The following TAFA1 variants were observed in gnomAD, a reference collection of about 807,000 sequenced individuals.
TAFA1 encodes chemokine-like protein TAFA-1.
In TAFA1, 4 loss-of-function variants were observed where a neutral mutation model predicts 18.5. The observed-to-expected ratio is 0.22, with a 90% CI of 0.11 to 0.49. The LOEUF (loss-of-function observed/expected upper bound fraction) is 0.49. TAFA1 is among the 20% of genes least tolerant of loss of function. The pLI is 0.98. For missense variants in TAFA1, 147 were observed against 169.0 expected (o/e 0.87, Z 0.72); for synonymous variants, 56 against 55.2 (o/e 1.01, Z -0.06).
intron 2 of TAFA1, among the ~76,000 whole-genome samples, chr3:68,250,395 C>A (rs1471822740): frequency 6.6e-6 from 1 of 152,134 alleles, no homozygotes; most frequent in Non-Finnish European, 1.5e-5. Context: ...CAAGAAAGTG[C>A]AACACACCAA....
chr3:68,282,535 C>T (rs932646823), intron 2 of TAFA1, among the ~76,000 whole-genome samples: 2 of 152,148 alleles, frequency 1.3e-5, no homozygotes, highest in African/African-American at 4.8e-5. Context: ...AACTACCTTG[C>T]ATTCTGATGC....
intron 2 of TAFA1, among the ~76,000 whole-genome samples, chr3:68,218,945 T>C (rs967670366): frequency 1.2e-4 from 19 of 152,272 alleles, no homozygotes; most frequent in Middle Eastern, 3.4e-3. Context: ...TGAAATCCTT[T>C]TGAGTGTCCT....
intron 3 of TAFA1, among the ~76,000 whole-genome samples, chr3:68,440,988 G>A (rs992890324): frequency 3.3e-5 from 5 of 152,086 alleles, no homozygotes; most frequent in Non-Finnish European, 7.4e-5. Context: ...CTAAAATTAA[G>A]GGATCTTCTA....
At chr3:68,359,201 G>A (rs780402542) in intron 2 of TAFA1, among the ~76,000 whole-genome samples, 21 of 151,890 alleles carry the variant, frequency 1.4e-4, no homozygotes, top group Non-Finnish European at 2.5e-4. Flanking sequence ...ATGCCCTATG[G>A]CAAAAGGTCA....
chr3:68,157,297 A>T (rs186955049), intron 2 of TAFA1, among the ~76,000 whole-genome samples: 5 of 152,226 alleles, frequency 3.3e-5, no homozygotes, highest in African/African-American at 1.2e-4. Context: ...TTATAGGTTC[A>T]TGATCTTAAA....
intron 2 of TAFA1, among the ~76,000 whole-genome samples, chr3:68,057,602 C>T (rs2064551912): frequency 6.6e-6 from 1 of 152,168 alleles, no homozygotes; most frequent in South Asian, 2.1e-4. Context: ...GTGCGTATCC[C>T]AATCCACAGA....
At chr3:68,255,027 T>C (rs1029276136) in intron 2 of TAFA1, among the ~76,000 whole-genome samples, 1 of 152,122 alleles carries the variant, frequency 6.6e-6, no homozygotes, top group Non-Finnish European at 1.5e-5. Context: ...TCAAAAGATA[T>C]TTGGTTTACA....
At chr3:68,278,416 A>G (rs1575740972) in intron 2 of TAFA1, among the ~76,000 whole-genome samples, 1 of 152,124 alleles carries the variant, frequency 6.6e-6, no homozygotes, top group East Asian at 1.9e-4. Context: ...GCTGCACAGA[A>G]TTTAATCATT....
chr3:68,025,367 G>A (rs559937612), intron 2 of TAFA1, among the ~76,000 whole-genome samples: 172 of 152,246 alleles, frequency 1.1e-3, no homozygotes, highest in Middle Eastern at 3.4e-3. Context: ...GTGGATTATA[G>A]GGGAAGCCTA....
chr3:68,248,669 G>A (rs1182349958), intron 2 of TAFA1, among the ~76,000 whole-genome samples: 1 of 143,428 alleles, frequency 7.0e-6, no homozygotes, highest in African/African-American at 2.6e-5. Context: ...CAAACCTGGA[G>A]ATGGGCTCCT....
chr3:68,316,299 G>T (rs529368213), intron 2 of TAFA1, among the ~76,000 whole-genome samples: 4 of 152,300 alleles, frequency 2.6e-5, no homozygotes, highest in African/African-American at 7.2e-5. Context: ...CCCTCCCTTA[G>T]AAATGAACTG....
chr3:68,287,657 C>T (rs190838858), intron 2 of TAFA1, among the ~76,000 whole-genome samples: 1 of 152,160 alleles, frequency 6.6e-6, no homozygotes, highest in East Asian at 1.9e-4. Flanking sequence ...CTGTTGCTTC[C>T]GTATGCATTT....
intron 3 of TAFA1, among the ~76,000 whole-genome samples, chr3:68,458,441 C>T (rs1381750162): frequency 1.3e-5 from 2 of 152,144 alleles, no homozygotes; most frequent in Non-Finnish European, 2.9e-5. Context: ...AGTACATGGA[C>T]ATTTGATAAG....
chr3:68,246,327 A>G (rs897620886), intron 2 of TAFA1, among the ~76,000 whole-genome samples: 1 of 151,984 alleles, frequency 6.6e-6, no homozygotes, highest in African/African-American at 2.4e-5. Flanking sequence ...GCGGTGGTTC[A>G]CGCCTGTATT....
chr3:68,397,714 T>C (rs1575833162), intron 2 of TAFA1, among the ~76,000 whole-genome samples: 1 of 152,220 alleles, frequency 6.6e-6, no homozygotes, highest in East Asian at 1.9e-4. Context: ...GTATTTCTTG[T>C]TCTAGATCCT....
chr3:68,329,216 CTTTTT>C (rs10681423), intron 2 of TAFA1, among the ~76,000 whole-genome samples: 2 of 88,988 alleles, frequency 2.2e-5, no homozygotes, highest in Non-Finnish European at 4.0e-5. Context: ...GCCTGGCTGC[CTTTTT>C]TTTTTTTTTT....
At chr3:68,458,191 C>A (rs960448748) in intron 3 of TAFA1, among the ~76,000 whole-genome samples, 1 of 151,954 alleles carries the variant, frequency 6.6e-6, no homozygotes, top group East Asian at 1.9e-4. Flanking sequence ...GTAGCACCTC[C>A]CCCTTCTCTC....
intron 2 of TAFA1, among the ~76,000 whole-genome samples, chr3:68,027,639 C>G (rs1296003646): frequency 1.3e-5 from 2 of 152,194 alleles, no homozygotes; most frequent in African/African-American, 4.8e-5. Flanking sequence ...GTCACATCTC[C>G]TTGTCTCTGT....
chr3:68,391,799 C>G (rs189198214), intron 2 of TAFA1, among the ~76,000 whole-genome samples: 18 of 152,222 alleles, frequency 1.2e-4, no homozygotes, highest in African/African-American at 4.3e-4. Flanking sequence ...CCTTTACAGA[C>G]AAGCAAATGC....
Sources: allele counts gnomAD v4.1 joint callset (sites outside exome capture counted in the v4.1 genomes callset), GRCh38; gene constraint gnomAD v4.1.1; transcripts MANE v1.5; gene names NCBI Gene and HGNC (gene_info 2026-07-23, HGNC 2026-07-21).